The following TTN variants were observed in gnomAD, a reference collection of about 807,000 sequenced individuals.
The protein encoded by TTN is titin.
TTN carries 1,525 observed loss-of-function variants against 3,223.0 expected under a neutral mutation model. The observed-to-expected ratio is 0.47, with a 90% CI of 0.45 to 0.49. TTN has a LOEUF of 0.49. Ranked by LOEUF, TTN falls within the 20% of genes least tolerant of loss-of-function variation. TTN has a pLI of 0.00. For synonymous variants in TTN, 14,094 were observed against 15,161.0 expected, an observed-to-expected ratio of 0.93 and a Z score of 5.17; for missense variants, 40,786 against 43,424.0, an observed-to-expected ratio of 0.94 and a Z score of 5.40.
In TTN at chr2:178,739,374, C is replaced by T. The variant is rs55857742; in HGVS notation, c.13859G>A (p.Gly4620Asp). The change falls in exon 48 of 363, where the codon GGT becomes GAT. Residue 4620 changes from glycine (G) to aspartate (D), a missense_variant. Gly to Asp is a moderately conservative substitution (Grantham distance 94). Transcript: ENST00000589042. ...GGATGTTGTGAGGTGTACAATATCA[C>T]CTTCCTCAGAAACAGTGTCCACTAA... is the stretch of plus-strand genomic sequence containing the variant. ...TPLVDTVSEE[G>D]DIVHLTTSIT... 3,600 of 1,613,882 alleles carry T rather than the reference C, an allele frequency of 2.2e-3. 53 individuals are homozygous for T. The highest frequency in any genetic ancestry group is 0.022 in the South Asian group (1,970 of 91,078).
In TTN at chr2:178,783,720, C is replaced by A. The variant is rs774074192; in HGVS notation, c.2841G>T (p.Ser947=). 2.5e-6 allele frequency: 4 copies of A among 1,612,688 alleles called. No individual in the cohort carries two copies. The African/African-American group carries it at 4.0e-5, about 16-fold the overall frequency. The change falls in exon 17 of 363, where the codon TCG becomes TCT. Residue 947 remains serine, a splice_region_variant and synonymous_variant. Coordinates refer to ENST00000589042, the MANE Select transcript of TTN (RefSeq NM_001267550.2). ...CAGCATTATCAACTTCTTTACTCAC[C>A]GAGACCAAAGTTGGTGGAGTAACAG... ...EIPVTPPTLV[S]GLKNVTVIEG...
chr2:178,677,892 T>TGGA lies in TTN; in HGVS notation c.34017_34019dup (p.Pro11340dup). ...CTTCCTGAGGTAGAGCTACAGGAAC[T>TGGA]GGAACTGGTTCACGTTTCTTTGGCA... On this transcript the variant is annotated inframe_insertion, in exon 146 of 363. Transcript: ENST00000589042. 6.2e-7 allele frequency: 1 copy of TGGA among 1,604,842 alleles called. No individual in the cohort carries two copies. The highest frequency in any genetic ancestry group is 8.5e-7 in the Non-Finnish European group (1 of 1,176,620).
intron 88 of TTN, among the ~76,000 whole-genome samples, chr2:178,716,061 G>A (rs933709862): frequency 2.0e-5 from 3 of 152,054 alleles, no homozygotes; most frequent in Non-Finnish European, 2.9e-5. Flanking sequence ...CTTCTCTAGT[G>A]CCAAGATCAG....
intron 257 of TTN, among the ~76,000 whole-genome samples, chr2:178,616,114 T>G (rs555464711): frequency 6.6e-6 from 1 of 152,086 alleles, no homozygotes; most frequent in South Asian, 2.1e-4. Context: ...AATGGCTGAT[T>G]AGGTCAACTA....
Position 178,576,248 on chromosome 2 carries a change from G to T in TTN, c.69884C>A (p.Ala23295Asp). Reference protein sequence around the residue: ...EAWIKDTTGTALRITQFVVPD... With the variant: ...EAWIKDTTGTDLRITQFVVPD... The stretch of plus-strand genomic sequence containing the variant: ...AACAACGAACTGAGTGATTCTGAGG[G>T]CGGTTCCTGTGGTATCTTTTATCCA... The change falls in exon 326 of 363, where the codon GCC (alanine) becomes GAC (aspartate). Residue 23295 changes from alanine to aspartate, a missense_variant. Physicochemically the swap from Ala to Asp is moderately radical, Grantham distance 126. Coordinates refer to ENST00000589042, the MANE Select transcript of TTN (RefSeq NM_001267550.2). This position sits in a 1 kb window ranked among gnomAD's most constrained non-coding sequence, Gnocchi z 4.3. 1 of 1,612,368 alleles carries T rather than the reference G, an allele frequency of 6.2e-7. No homozygotes were observed. The highest frequency in any genetic ancestry group is 8.5e-7 in the Non-Finnish European group (1 of 1,179,204).
Position 178,534,932 on chromosome 2 carries a change from T to A in TTN, c.101683A>T (p.Ile33895Leu). Residue 33895 changes from isoleucine (I) to leucine (L), a missense_variant, in exon 358 of 363, where the codon ATA becomes TTA. Coordinates refer to ENST00000589042, the MANE Select transcript of TTN (RefSeq NM_001267550.2). ...CGCTCAAATATGTCAAGTCCTGATA[T>A]AAACTCAAAGATCATAACTAATTCT... ...MEELVMIFEFISGLDIFERIN... is the reference protein window; with the variant it reads ...MEELVMIFEFLSGLDIFERIN... The A allele has an allele frequency of 1.2e-6, 2 of 1,611,794 alleles. No individual in the cohort carries two copies. The highest frequency in any genetic ancestry group is 1.7e-6 in the Non-Finnish European group (2 of 1,179,776).
In TTN at chr2:178,595,584, C is replaced by T. The variant is rs202076328; in HGVS notation, c.57770G>A (p.Arg19257Gln). 2.3e-4 allele frequency: 367 copies of T among 1,580,790 alleles called. 2 individuals are homozygous for T. Among genetic ancestry groups the T allele is most frequent in the Middle Eastern group, 1.7e-4 (1 of 6,036 alleles). ...GCCAATACTATTTTCAGCCGCAATT[C>T]GGAAAAAGTAGGCTTTTCCTTGAAT... ...GLIQGKAYFF[R>Q]IAAENSIGMG... The change falls in exon 295 of 363, where the codon CGA (arginine) becomes CAA (glutamine). Residue 19257 changes from arginine (R) to glutamine (Q), a missense_variant. Coordinates refer to ENST00000589042, the MANE Select transcript of TTN (RefSeq NM_001267550.2).
In TTN at chr2:178,707,766, C is replaced by T. The variant is rs1310690220; in HGVS notation, c.28801G>A (p.Val9601Met). 1.2e-6 allele frequency: 2 copies of T among 1,613,552 alleles called. No individual in the cohort carries two copies. The highest frequency in any genetic ancestry group is 2.2e-5 in the South Asian group (2 of 91,032). The change falls in exon 100 of 363, where the codon GTG becomes ATG. Residue 9601 changes from valine (V) to methionine (M), a missense_variant. Val to Met is a conservative substitution (Grantham distance 21). Transcript: ENST00000589042. ...AGCTGCACGTATTCTCCTTCACTCA[C>T]TGTTACTGGAGTAAGGTGCTGATCA... Reference protein sequence around the residue: ...VFDQHLTPVTVSEGEYVQLSC... With the variant: ...VFDQHLTPVTMSEGEYVQLSC...
intron 221 of TTN, among the ~76,000 whole-genome samples, chr2:178,640,329 C>T (rs72650071): frequency 6.6e-5 from 10 of 151,712 alleles, no homozygotes; most frequent in Non-Finnish European, 1.0e-4. Flanking sequence ...TATCTCATTG[C>T]CCATAAATAC....
rs767467198 is a variant in TTN at position 178,663,856 on chromosome 2, C to A, written c.36411G>T (p.Leu12137Phe). 6.2e-7 allele frequency: 1 copy of A among 1,613,242 alleles called. No homozygotes were observed. Among genetic ancestry groups the A allele is most frequent in the African/African-American group, 1.3e-5 (1 of 74,874 alleles). ...GGACTTCAGGCTCTTTAGGAGGAGC[C>A]AAGGGCACTTTCTCTTCGCGGATAA... Reference protein sequence around the residue: ...KEVIREEKVPLAPPKEPEVPP... With the variant: ...KEVIREEKVPFAPPKEPEVPP... Residue 12137 changes from leucine (L) to phenylalanine (F), a missense_variant, in exon 170 of 363, where the codon TTG (leucine) becomes TTT (phenylalanine). Coordinates refer to ENST00000589042, the MANE Select transcript of TTN (RefSeq NM_001267550.2).
At position 178,559,307 on chromosome 2, in the gene TTN, A is replaced by T; in HGVS notation, c.86821+4T>A. The stretch of plus-strand genomic sequence containing the variant: ...TGTAGAATTTCCTTATTCTTAAAAC[A>T]TACCTGTTATTTTTACTCCTTCCTT... On this transcript the variant is annotated splice_donor_region_variant and intron_variant, in intron 326 of 362. Coordinates refer to ENST00000589042, the MANE Select transcript of TTN (RefSeq NM_001267550.2). The T allele has an allele frequency of 1.9e-6, 3 of 1,579,708 alleles. No homozygotes were observed. The highest frequency in any genetic ancestry group is 2.6e-6 in the Non-Finnish European group (3 of 1,163,060).
chr2:178,707,595 C>T lies in TTN; in HGVS notation c.28972G>A (p.Gly9658Arg), dbSNP rs1413237193. 2 of 1,613,760 alleles carry T rather than the reference C, an allele frequency of 1.2e-6. No homozygotes were observed. Among genetic ancestry groups the T allele is most frequent in the Non-Finnish European group, 1.7e-6 (2 of 1,179,852 alleles). Residue 9658 changes from glycine to arginine, a missense_variant, in exon 100 of 363, where the codon GGA becomes AGA. By Grantham distance (125) the Gly-to-Arg change is moderately radical. Coordinates refer to ENST00000589042, the MANE Select transcript of TTN (RefSeq NM_001267550.2). ...ELRDVAKADS[G>R]DYVCKASNVA... is the part of the protein sequence containing the mutation. ...TTTGAAGCTTTACACACATAATCTC[C>T]CGAATCTGCTTTAGCCACATCTCTG...
In TTN at chr2:178,588,122, C is replaced by G; in HGVS notation, c.63285G>C (p.Pro21095=). The change falls in exon 305 of 363, where the codon CCG becomes CCC. Residue 21095 remains proline, a synonymous_variant. Coordinates refer to ENST00000589042, the MANE Select transcript of TTN (RefSeq NM_001267550.2). ...WGKPVYDGGA[P]IIGYVVEMRP... ...TCATTTCCACAACATATCCAATGAT[C>G]GGTGCACCACCATCATAGACTGGTT... The G allele has an allele frequency of 6.2e-7, 1 of 1,612,752 alleles. No homozygotes were observed. Among genetic ancestry groups the G allele is most frequent in the Non-Finnish European group, 8.5e-7 (1 of 1,179,202 alleles).
chr2:178,652,729 C>T lies in TTN; in HGVS notation c.38967G>A (p.Glu12989=), dbSNP rs779964092. 1 of 1,612,764 alleles carries T rather than the reference C, an allele frequency of 6.2e-7. No homozygotes were observed. Among genetic ancestry groups the T allele is most frequent in the South Asian group, 1.1e-5 (1 of 91,004 alleles). Reference sequence around the variant, plus strand: ...TTTCAGGAACAACCTCTTTGGGAGCCTCTGGTACTTAAAAGATATTAGTGA... The same window carrying T: ...TTTCAGGAACAACCTCTTTGGGAGCTTCTGGTACTTAAAAGATATTAGTGA... ...KPEVPPVKVP[E]APKEVVPEKK... The change falls in exon 201 of 363, where the codon GAG becomes GAA. Residue 12989 remains glutamate, a synonymous_variant. Coordinates refer to ENST00000589042, the MANE Select transcript of TTN (RefSeq NM_001267550.2).
At chr2:178,606,204 G>A (rs1353968920) in intron 278 of TTN, among the ~76,000 whole-genome samples, 5 of 151,970 alleles carry the variant, frequency 3.3e-5, no homozygotes, top group Admixed American at 3.3e-4. Flanking sequence ...CTTTCCTGAA[G>A]GACCAAACTA....
rs1396147868 is a variant in TTN at position 178,751,824 on chromosome 2, T to C, written c.11311+1300A>G. The C allele has an allele frequency of 3.7e-6, 6 of 1,613,058 alleles. No individual in the cohort carries two copies. The East Asian group carries it at 8.9e-5, about 24-fold the overall frequency. On this transcript the variant is annotated intron_variant, in intron 47 of 362. Transcript: ENST00000589042. ...TCTGGAGTTGGACAGGCAATTAATC[T>C]ACATGTAAAAACAACCGGTTCACCC...
At chr2:178,763,219 T>C (rs912638931) in intron 43 of TTN, among the ~76,000 whole-genome samples, 2 of 152,222 alleles carry the variant, frequency 1.3e-5, no homozygotes, top group Non-Finnish European at 2.9e-5. Flanking sequence ...CCACATATAT[T>C]GTCTCATTCT....
intron 15 of TTN, among the ~76,000 whole-genome samples, chr2:178,785,252 G>C (rs956058889): frequency 6.6e-6 from 1 of 152,100 alleles, no homozygotes; most frequent in African/African-American, 2.4e-5. Context: ...AAGTTACTCT[G>C]AAATGTCTCA....
At position 178,677,778 on chromosome 2, in the gene TTN, T is replaced by C. The variant is rs575740245; in HGVS notation, c.34134A>G (p.Leu11378=). Residue 11378 remains leucine, a synonymous_variant, in exon 146 of 363, where the codon CTA becomes CTG. Transcript: ENST00000589042. ...CAGGTAGAACTTCCTCTTCTTCAGGTAGAACTTCCTCTTCCTCAGGTAGAA... is the reference window on the plus strand; with the variant it reads ...CAGGTAGAACTTCCTCTTCTTCAGGCAGAACTTCCTCTTCCTCAGGTAGAA... The part of the protein sequence containing the change: ...EEVLPEEEEV[L]PEEEEVLPEE... 23 of 1,612,648 alleles carry C rather than the reference T, an allele frequency of 1.4e-5. No individual in the cohort carries two copies. In the East Asian group the frequency reaches 4.5e-4, roughly 31 times the overall value.
Sources: gnomAD v4.1 joint callset for allele counts (sites outside exome capture counted in the v4.1 genomes callset) on GRCh38, gnomAD v4.1.1 for gene constraint, Gnocchi (gnomAD v3.1) non-coding constraint, MANE v1.5 for transcripts, NCBI Gene and HGNC (gene_info 2026-07-23, HGNC 2026-07-21) for gene names.